CACNA1C: variants seen among roughly 807,000 people sequenced by gnomAD.
CACNA1C encodes voltage-dependent L-type calcium channel subunit alpha-1C.
A neutral mutation model predicts 229.0 loss-of-function variants in CACNA1C; 30 were observed. That is an observed-to-expected ratio of 0.13 (90% CI 0.10 to 0.18). The LOEUF is 0.18. Among genes scored for constraint, CACNA1C ranks in the 10% least tolerant of loss-of-function variants. The pLI, the probability that CACNA1C is intolerant of heterozygous loss-of-function variation, is 1.00. For missense variants in CACNA1C, 1,658 were observed against 2,845.0 expected, an observed-to-expected ratio of 0.58 and a Z score of 9.49; for synonymous variants, 1,114 against 1,132.5, an observed-to-expected ratio of 0.98 and a Z score of 0.33.
At chr12:2,376,133 TGC>T (rs1567319855) in intron 3 of CACNA1C, among the ~76,000 whole-genome samples, 2 of 152,214 alleles carry the variant, frequency 1.3e-5, no homozygotes, top group Admixed American at 1.3e-4. Flanking sequence ...GGAGCAGCCA[TGC>T]TCAAGGCCAG....
At chr12:2,506,445 AG>A (rs2154578125) in intron 8 of CACNA1C, among the ~76,000 whole-genome samples, 1 of 152,348 alleles carries the variant, frequency 6.6e-6, no homozygotes, top group East Asian at 1.9e-4. Flanking sequence ...CATCTGAAAA[AG>A]TGAAGCTGAT....
chr12:1,996,262 A>G (rs903897947), intron 1 of CACNA1C, among the ~76,000 whole-genome samples: 1 of 152,112 alleles, frequency 6.6e-6, no homozygotes, highest in South Asian at 2.1e-4. Context: ...AGCCTTCAAT[A>G]ACTTCCTACT....
At position 2,354,768 on chromosome 12, in the gene CACNA1C, G is replaced by A. The variant is rs1026117708; in HGVS notation, c.478-94208G>A. Among the ~76,000 whole-genome samples, 8 of 152,160 alleles carry A rather than the reference G, an allele frequency of 5.3e-5. No homozygotes were observed. The South Asian group carries it at 1.7e-3, about 32-fold the overall frequency. On this transcript the variant is annotated intron_variant, in intron 3 of 46. Transcript: ENST00000399655. This position sits in a 1 kb window ranked among gnomAD's most constrained non-coding sequence, Gnocchi z 4.6. ...ACCTGCTTTTGCCTTCTCCAGACAC[G>A]GCAAGACTGGCCTTGACTTCTGGTT...
chr12:2,651,444 G>A lies in CACNA1C; in HGVS notation c.3946-196G>A. ...AGCGGCCTGGGCACAGTCTAGCTCT[G>A]CAGAGACCATGGGGCTGGGCTGTCC... On this transcript the variant is annotated intron_variant, in intron 31 of 46. Coordinates refer to ENST00000399655, the MANE Select transcript of CACNA1C (RefSeq NM_000719.7). The surrounding 1 kb of genome is among the most constrained non-coding windows in gnomAD (Gnocchi z 5.4). 1.4e-6 allele frequency: 1 copy of A among 691,754 alleles called. No individual in the cohort carries two copies. The highest frequency in any genetic ancestry group is 2.5e-6 in the Non-Finnish European group (1 of 401,994). The allele number at this position is 691,754 out of a possible 1,614,324, so 42.9% of individuals were successfully genotyped here. A position where few individuals can be genotyped will look rare whatever the true frequency, so the allele number is the denominator to read the frequency against.
chr12:2,339,786 C>G (rs901911407), intron 3 of CACNA1C, among the ~76,000 whole-genome samples: 10 of 152,134 alleles, frequency 6.6e-5, no homozygotes, highest in Non-Finnish European at 1.2e-4. Context: ...CTGTTGTTGA[C>G]TGCAGTGTTA....
rs867626259 is a variant in CACNA1C at position 2,686,146 on chromosome 12, C to T, written c.5681-20C>T. The T allele has an allele frequency of 1.1e-5, 18 of 1,597,726 alleles. 1 individual carries two copies. The highest frequency in any genetic ancestry group is 1.7e-4 in the Middle Eastern group (1 of 6,056). ...CCCTGTTTTCCTGCCCTGATGGTGGCTCTCTGGCTGGCTTTGCAGGTCGAA... is the reference window on the plus strand; with the variant it reads ...CCCTGTTTTCCTGCCCTGATGGTGGTTCTCTGGCTGGCTTTGCAGGTCGAA... On this transcript the variant is annotated intron_variant, in intron 44 of 46. Coordinates refer to ENST00000399655, the MANE Select transcript of CACNA1C (RefSeq NM_000719.7).
At chr12:2,559,796 C>T (rs2046502746) in intron 11 of CACNA1C, among the ~76,000 whole-genome samples, 1 of 152,010 alleles carries the variant, frequency 6.6e-6, no homozygotes, top group Non-Finnish European at 1.5e-5. Flanking sequence ...CTAGTGTGTC[C>T]GCAGAGTGTG....
chr12:2,251,394 C>T (rs757051702), intron 3 of CACNA1C, among the ~76,000 whole-genome samples: 2 of 152,176 alleles, frequency 1.3e-5, no homozygotes, highest in Non-Finnish European at 2.9e-5. Context: ...TGTTGAAATC[C>T]TCCTTTGTAA....
intron 7 of CACNA1C, among the ~76,000 whole-genome samples, chr12:2,494,128 A>T (rs1327463991): frequency 6.6e-6 from 1 of 152,160 alleles, no homozygotes; most frequent in Non-Finnish European, 1.5e-5. Context: ...CCCGTCATCT[A>T]TTAAGCCCCA....
chr12:2,448,042 G>C (rs1242396590), intron 3 of CACNA1C, among the ~76,000 whole-genome samples: 1 of 152,250 alleles, frequency 6.6e-6, no homozygotes, highest in Non-Finnish European at 1.5e-5. Flanking sequence ...CCTGGTGGGG[G>C]CCATTAAGGC....
chr12:2,340,378 C>T (rs374170877), intron 3 of CACNA1C, among the ~76,000 whole-genome samples: 2 of 152,366 alleles, frequency 1.3e-5, no homozygotes, highest in South Asian at 4.1e-4. Flanking sequence ...TGACTCCTCA[C>T]ACCCATGCCA....
intron 1 of CACNA1C, among the ~76,000 whole-genome samples, chr12:2,079,289 A>G (rs1309376912): frequency 1.3e-5 from 2 of 152,196 alleles, no homozygotes; most frequent in Non-Finnish European, 2.9e-5. Context: ...TAATAATTAA[A>G]AAAAAATAGT....
intron 1 of CACNA1C, among the ~76,000 whole-genome samples, chr12:2,057,747 C>T (rs557337354): frequency 3.3e-4 from 50 of 152,276 alleles, no homozygotes; most frequent in Middle Eastern, 6.8e-3. Context: ...TTGGGTGAAT[C>T]GCTGAACTTG....
At chr12:2,219,580 T>C (rs2060909097) in intron 3 of CACNA1C, among the ~76,000 whole-genome samples, 1 of 152,152 alleles carries the variant, frequency 6.6e-6, no homozygotes, top group Non-Finnish European at 1.5e-5. Flanking sequence ...AAAGAACAAA[T>C]ATATCCTTGT....
At chr12:2,060,571 G>T (rs2057103216) in intron 1 of CACNA1C, among the ~76,000 whole-genome samples, 1 of 152,216 alleles carries the variant, frequency 6.6e-6, no homozygotes, top group African/African-American at 2.4e-5. Context: ...AAACTGGAAG[G>T]CCTCTGAGGC....
chr12:2,234,029 C>T lies in CACNA1C; in HGVS notation c.477+113599C>T, dbSNP rs1322373757. 2.0e-5 allele frequency among the ~76,000 whole-genome samples: 3 copies of T among 152,282 alleles called. No individual in the cohort carries two copies. The East Asian group carries it at 5.8e-4, about 29-fold the overall frequency. The stretch of plus-strand genomic sequence containing the variant: ...ATCTGGCATTATTCCAACACTTCTC[C>T]CTTTGGCTGTTTATTAGCATTTCCT... On this transcript the variant is annotated intron_variant, in intron 3 of 46. Transcript: ENST00000399655.
Position 2,486,335 on chromosome 12 carries a change from T to C in CACNA1C, c.916+73T>C. On this transcript the variant is annotated intron_variant, in intron 6 of 46. Transcript: ENST00000399655. This position sits in a 1 kb window ranked among gnomAD's most constrained non-coding sequence, Gnocchi z 4.9. ...TCCCAGCACCTTTCCCGCTGCTGGC[T>C]ACACCAACATGACCAGCAGAGCCCA... 7.7e-7 allele frequency: 1 copy of C among 1,299,140 alleles called. No individual in the cohort carries two copies. Among genetic ancestry groups the C allele is most frequent in the Non-Finnish European group, 1.1e-6 (1 of 928,570 alleles). 80.5% of individuals were successfully genotyped at this position (1,299,140 alleles called of 1,614,324 possible).
chr12:2,389,118 A>G (rs576415294), intron 3 of CACNA1C, among the ~76,000 whole-genome samples: 1 of 152,246 alleles, frequency 6.6e-6, no homozygotes, highest in South Asian at 2.1e-4. Context: ...AGAGGTAGAG[A>G]GAAAACCAGG....
intron 3 of CACNA1C, among the ~76,000 whole-genome samples, chr12:2,336,981 A>G (rs2096715974): frequency 6.6e-6 from 1 of 152,208 alleles, no homozygotes; most frequent in South Asian, 2.1e-4. Context: ...TTGATTAGAA[A>G]TGCTATGGAA....
Sources: gnomAD v4.1 joint callset for allele counts (sites outside exome capture counted in the v4.1 genomes callset) on GRCh38, gnomAD v4.1.1 for gene constraint, Gnocchi (gnomAD v3.1) non-coding constraint, MANE v1.5 for transcripts, NCBI Gene and HGNC (gene_info 2026-07-23, HGNC 2026-07-21) for gene names.